Variants in ROCK2 observed in about 807,000 individuals in gnomAD.
ROCK2 encodes the protein rho-associated protein kinase 2.
Under a neutral mutation model 195.1 loss-of-function variants are expected in ROCK2, and 61 were observed. The observed-to-expected ratio is 0.31, with a 90% confidence interval of 0.25 to 0.39. ROCK2 has a LOEUF of 0.39. Among genes scored for constraint, ROCK2 ranks in the 10% least tolerant of loss-of-function variants. The pLI, the probability that ROCK2 is intolerant of heterozygous loss-of-function variation, is 1.00. For synonymous variants in ROCK2, 504 were observed against 545.5 expected (o/e 0.92, Z 1.06); for missense variants, 1,109 against 1,637.4 (o/e 0.68, Z 5.57).
At chr2:11,202,332 C>T (rs1663885635) in intron 20 of ROCK2, among the ~76,000 whole-genome samples, 2 of 152,000 alleles carry the variant, frequency 1.3e-5, no homozygotes, top group African/African-American at 4.8e-5. Context: ...CCTGAGGCCA[C>T]ATGACTTGTA....
chr2:11,265,889 G>A (rs1666395200), intron 3 of ROCK2, among the ~76,000 whole-genome samples: 1 of 150,612 alleles, frequency 6.6e-6, no homozygotes. Context: ...GAGGCCAGGA[G>A]TTAGAGACAA....
At chr2:11,222,023 G>A (rs1345263736) in intron 8 of ROCK2, 60 bp downstream of exon 8, 3 of 947,212 alleles carry the variant, frequency 3.2e-6, no homozygotes, top group East Asian at 2.4e-5. Context: ...TTCAAAAAAG[G>A]AATCAACTTA....
intron 1 of ROCK2, among the ~76,000 whole-genome samples, chr2:11,311,044 ACT>A (rs1668018033): frequency 6.6e-6 from 1 of 151,292 alleles, no homozygotes; most frequent in Admixed American, 6.6e-5. Flanking sequence ...TACTTCTCCA[ACT>A]CTCAACTAGC....
rs76575501 is a variant in ROCK2 at position 11,334,585 on chromosome 2, G to A, written c.141+9411C>T. On this transcript the variant is annotated intron_variant, in intron 1 of 32. Transcript: ENST00000315872. ...CAGAATAGGAAAACATAAAAGACTC[G>A]TACTAAAAGAGCTCATATTCTGTGC... Among the ~76,000 whole-genome samples, 137 of 150,414 alleles carry A rather than the reference G, an allele frequency of 9.1e-4. 1 individual carries two copies. Among genetic ancestry groups the A allele is most frequent in the South Asian group, 4.2e-3 (20 of 4,742 alleles).
chr2:11,305,810 T>C (rs1329464100), intron 1 of ROCK2, among the ~76,000 whole-genome samples: 1 of 152,162 alleles, frequency 6.6e-6, no homozygotes, highest in Non-Finnish European at 1.5e-5. Flanking sequence ...CTATGGGAAA[T>C]GGGGTACACA....
intron 3 of ROCK2, 146 bp downstream of exon 3, chr2:11,286,393 T>C: frequency 1.8e-6 from 1 of 569,396 alleles, no homozygotes; most frequent in Non-Finnish European, 3.1e-6. Flanking sequence ...AAAGGCTTCC[T>C]TTTATAGATG....
chr2:11,323,904 T>C (rs1572408665), intron 1 of ROCK2, among the ~76,000 whole-genome samples: 1 of 152,196 alleles, frequency 6.6e-6, no homozygotes, highest in African/African-American at 2.4e-5. Context: ...GCACATCCCA[T>C]GGGTTCACAC....
At chr2:11,217,864 C>G (rs1253770622) in intron 11 of ROCK2, 1 of 152,668 alleles carries the variant, frequency 6.6e-6, no homozygotes, top group Non-Finnish European at 1.5e-5. Context: ...AGGCACTTTA[C>G]AAATGTTGTC....
Position 11,197,153 on chromosome 2 carries a change from A to G in ROCK2, c.3448+27T>C, listed in dbSNP as rs1663671619. On this transcript the variant is annotated intron_variant, in intron 27 of 32. Coordinates refer to ENST00000315872, the MANE Select transcript of ROCK2 (RefSeq NM_004850.5). The surrounding 1 kb of genome is among the most constrained non-coding windows in gnomAD (Gnocchi z 4.9). ...ATCAACTGATTTATATTTAAGATAA[A>G]TATTAGTGCTGAAAACAAATCCATA... The G allele has an allele frequency of 7.2e-6, 11 of 1,527,606 alleles. No individual in the cohort carries two copies. Among genetic ancestry groups the G allele is most frequent in the Middle Eastern group, 1.7e-4 (1 of 5,760 alleles). The allele number at this position is 1,527,606 out of a possible 1,614,324, so 94.6% of individuals were successfully genotyped here.
In ROCK2 at chr2:11,215,502, C is replaced by T. The variant is rs1664395292; in HGVS notation, c.1597+8G>A. ...CTTGATGAGTAATTAATATTCTACA[C>T]CACAAACCATCATTTTCCAAATTTC... On this transcript the variant is annotated splice_region_variant and intron_variant, in intron 14 of 32. Transcript: ENST00000315872. The T allele has an allele frequency of 1.2e-6, 2 of 1,612,206 alleles. No individual in the cohort carries two copies. The highest frequency in any genetic ancestry group is 1.7e-6 in the Non-Finnish European group (2 of 1,179,444).
Position 11,180,937 on chromosome 2 carries a change from CT to C in ROCK2, c.*2499del, listed in dbSNP as rs1258009326. 5.3e-5 allele frequency: 8 copies of C among 151,968 alleles called. No homozygotes were observed. The highest frequency in any genetic ancestry group is 1.9e-4 in the African/African-American group (8 of 41,392). 9.4% of individuals were successfully genotyped at this position (151,968 alleles called of 1,614,324 possible). ...AGTTGGACAAACAACCTTATAAACC[CT>C]TATGTCAAACCATATAATGTGAAGA... On this transcript the variant is annotated 3_prime_UTR_variant, in exon 33 of 33. Coordinates refer to ENST00000315872, the MANE Select transcript of ROCK2 (RefSeq NM_004850.5).
chr2:11,220,864 C>A (rs991192083), intron 9 of ROCK2, among the ~76,000 whole-genome samples: 5 of 152,158 alleles, frequency 3.3e-5, no homozygotes, highest in Non-Finnish European at 5.9e-5. Context: ...ATTCTCTCAG[C>A]ATCTTTCTTA....
At chr2:11,298,996 C>T (rs1215223351) in intron 1 of ROCK2, among the ~76,000 whole-genome samples, 2 of 152,010 alleles carry the variant, frequency 1.3e-5, no homozygotes, top group African/African-American at 2.4e-5. Flanking sequence ...AGGCCGGGCA[C>T]GGTGGCTCAC....
intron 32 of ROCK2, among the ~76,000 whole-genome samples, chr2:11,189,412 A>G (rs1663329415): frequency 6.6e-6 from 1 of 152,148 alleles, no homozygotes; most frequent in African/African-American, 2.4e-5. Flanking sequence ...ATCCAGCCTG[A>G]GGCTTGATTC....
intron 3 of ROCK2, among the ~76,000 whole-genome samples, chr2:11,263,670 C>CA (rs757978869): frequency 4.4e-5 from 6 of 135,218 alleles, no homozygotes; most frequent in East Asian, 2.0e-4. Context: ...CACACACACA[C>CA]ACAAAAAAAA....
At position 11,243,457 on chromosome 2, in the gene ROCK2, A is replaced by G. The variant is rs78997029; in HGVS notation, c.462+6204T>C. 3.2e-3 allele frequency among the ~76,000 whole-genome samples: 495 copies of G among 152,314 alleles called. 7 individuals are homozygous for G. In the East Asian group the frequency reaches 0.068, roughly 21 times the overall value. On this transcript the variant is annotated intron_variant, in intron 4 of 32. Coordinates refer to ENST00000315872, the MANE Select transcript of ROCK2 (RefSeq NM_004850.5). The stretch of plus-strand genomic sequence containing the variant: ...CTGAAAACGCCTTCTCCAAGTGATA[A>G]ATATGGTAAATCAAAATTATATGCT...
At chr2:11,281,280 A>G (rs1036694985) in intron 3 of ROCK2, among the ~76,000 whole-genome samples, 1 of 152,072 alleles carries the variant, frequency 6.6e-6, no homozygotes, top group Non-Finnish European at 1.5e-5. Context: ...ATCTATAAAA[A>G]ATCCACAGCT....
At chr2:11,277,023 A>G (rs1283636002) in intron 3 of ROCK2, among the ~76,000 whole-genome samples, 1 of 152,188 alleles carries the variant, frequency 6.6e-6, no homozygotes, top group Non-Finnish European at 1.5e-5. Flanking sequence ...CGAATAGGGT[A>G]CACAAATTTA....
chr2:11,275,253 A>T (rs1666783761), intron 3 of ROCK2, among the ~76,000 whole-genome samples: 1 of 129,568 alleles, frequency 7.7e-6, no homozygotes, highest in Non-Finnish European at 1.7e-5. Context: ...GCGAGACTTC[A>T]TGTCAAAAAA....
Sources: gnomAD v4.1 joint callset for allele counts (sites outside exome capture counted in the v4.1 genomes callset) on GRCh38, gnomAD v4.1.1 for gene constraint, Gnocchi (gnomAD v3.1) non-coding constraint, MANE v1.5 for transcripts, NCBI Gene and HGNC (gene_info 2026-07-23, HGNC 2026-07-21) for gene names.